Variants in DYM observed in about 807,000 individuals in gnomAD.
DYM encodes the protein dyggve-Melchior-Clausen syndrome protein.
Under a neutral mutation model 93.1 loss-of-function variants are expected in DYM, and 78 were observed. That is an observed-to-expected ratio of 0.84 (90% CI 0.70 to 1.01). DYM has a LOEUF of 1.01. Ranked by LOEUF, DYM falls within the 50% of genes least tolerant of loss-of-function variation. DYM has a pLI of 0.00. For missense variants in DYM, 789 were observed against 845.0 expected (o/e 0.93, Z 0.82); for synonymous variants, 321 against 319.7 (o/e 1.00, Z -0.04).
chr18:49,231,812 T>C (rs1419653996), intron 13 of DYM, among the ~76,000 whole-genome samples: 2 of 152,302 alleles, frequency 1.3e-5, no homozygotes, highest in East Asian at 3.9e-4. Flanking sequence ...AGAGGAATCT[T>C]AGTCAAAGAT....
At chr18:49,381,403 ACTTAAGAGTCTATTCAAGTAACTGC>A (rs1464351661) in intron 3 of DYM, among the ~76,000 whole-genome samples, 2 of 152,126 alleles carry the variant, frequency 1.3e-5, no homozygotes, top group African/African-American at 4.8e-5. Context: ...TTTTGTCATG[ACTTAAGAGTCTATTCAAGTAACTGC>A]CTAACTTTCT....
At chr18:49,407,714 A>G (rs1046796415) in intron 2 of DYM, among the ~76,000 whole-genome samples, 2 of 152,190 alleles carry the variant, frequency 1.3e-5, no homozygotes, top group African/African-American at 4.8e-5. Context: ...TGGAGGTCAC[A>G]TTTCAACATG....
At chr18:49,332,874 C>A (rs2063408531) in intron 7 of DYM, among the ~76,000 whole-genome samples, 1 of 152,112 alleles carries the variant, frequency 6.6e-6, no homozygotes, top group South Asian at 2.1e-4. Flanking sequence ...GCACACAGTC[C>A]CACGATGCCA....
At position 49,282,290 on chromosome 18, in the gene DYM, C is replaced by T. The variant is rs1043854316; in HGVS notation, c.947-115G>A. ...CCATTAATTTTATGGAAAGTCACTA[C>T]ATTTCAGATTCAAAATTTTAATTTA... On this transcript the variant is annotated intron_variant, in intron 9 of 17. Transcript: ENST00000675505. The T allele has an allele frequency of 4.7e-6, 5 of 1,065,594 alleles. No homozygotes were observed. In the East Asian group the frequency reaches 1.0e-4, roughly 22 times the overall value. 66.0% of individuals were successfully genotyped at this position (1,065,594 alleles called of 1,614,324 possible). A position where few individuals can be genotyped will look rare whatever the true frequency, so the allele number is the denominator to read the frequency against.
chr18:49,237,352 T>C (rs2093901226), intron 13 of DYM, among the ~76,000 whole-genome samples: 1 of 152,222 alleles, frequency 6.6e-6, no homozygotes, highest in African/African-American at 2.4e-5. Flanking sequence ...TTCAATGATA[T>C]TTTGAGGCCA....
intron 17 of DYM, among the ~76,000 whole-genome samples, chr18:49,078,142 T>C (rs2077467728): frequency 1.3e-5 from 2 of 152,210 alleles, no homozygotes; most frequent in South Asian, 4.1e-4. Context: ...GATGACAATA[T>C]ACACTCTTAA....
chr18:49,390,005 T>G (rs2069042923), intron 3 of DYM, among the ~76,000 whole-genome samples: 1 of 152,248 alleles, frequency 6.6e-6, no homozygotes. Context: ...CAGCACTGAA[T>G]TGCGACATGG....
intron 5 of DYM, among the ~76,000 whole-genome samples, chr18:49,368,936 A>G (rs1377622300): frequency 6.6e-5 from 10 of 152,338 alleles, no homozygotes; most frequent in Non-Finnish European, 2.9e-5. Flanking sequence ...GATCTCTCAC[A>G]AGTCAGCCAC....
chr18:49,172,481 G>A (rs2088877388), intron 14 of DYM, among the ~76,000 whole-genome samples: 1 of 152,168 alleles, frequency 6.6e-6, no homozygotes, highest in African/African-American at 2.4e-5. Context: ...TTTAGTGGGT[G>A]TGAAGTAATT....
intron 8 of DYM, among the ~76,000 whole-genome samples, chr18:49,296,523 A>G (rs1406534214): frequency 6.6e-6 from 1 of 152,232 alleles, no homozygotes; most frequent in Non-Finnish European, 1.5e-5. Flanking sequence ...AACTAACATG[A>G]AACAGAGACA....
intron 15 of DYM, among the ~76,000 whole-genome samples, chr18:49,140,591 A>G (rs1016858532): frequency 1.3e-5 from 2 of 152,228 alleles, no homozygotes; most frequent in Non-Finnish European, 2.9e-5. Flanking sequence ...TTTAGCAACT[A>G]TAAGGTTTAT....
intron 1 of DYM, among the ~76,000 whole-genome samples, 163 bp downstream of exon 1, chr18:49,460,235 G>A (rs1455994198): frequency 1.3e-5 from 2 of 152,142 alleles, no homozygotes; most frequent in African/African-American, 4.8e-5. Context: ...GCCCCTCCGG[G>A]TGGCCCAGGC....
chr18:49,410,161 G>A (rs760664950), intron 2 of DYM, among the ~76,000 whole-genome samples: 15 of 152,056 alleles, frequency 9.9e-5, no homozygotes, highest in Non-Finnish European at 2.1e-4. Context: ...GAACTCCTGG[G>A]CTCAAGCAAT....
At chr18:49,380,738 T>A (rs2067967787) in intron 3 of DYM, among the ~76,000 whole-genome samples, 1 of 152,232 alleles carries the variant, frequency 6.6e-6, no homozygotes. Context: ...GAACCTTCCA[T>A]TTGACTGATG....
At chr18:49,079,934 G>C (rs1314096405) in intron 17 of DYM, among the ~76,000 whole-genome samples, 4 of 150,980 alleles carry the variant, frequency 2.6e-5, no homozygotes, top group Non-Finnish European at 5.9e-5. Context: ...CCTCCCAGAC[G>C]GGGTGGTGGC....
intron 2 of DYM, among the ~76,000 whole-genome samples, chr18:49,412,198 C>T (rs145192000): frequency 3.2e-4 from 46 of 143,506 alleles, no homozygotes; most frequent in Non-Finnish European, 6.6e-4. Flanking sequence ...CTAGATAATA[C>T]GGTGTTTATT....
intron 13 of DYM, among the ~76,000 whole-genome samples, chr18:49,220,278 T>C (rs2093292961): frequency 6.7e-6 from 1 of 149,340 alleles, no homozygotes; most frequent in African/African-American, 2.4e-5. Flanking sequence ...TGGAAGAACA[T>C]TCCATGCTCA....
intron 1 of DYM, among the ~76,000 whole-genome samples, chr18:49,441,849 C>T (rs536919834): frequency 1.3e-5 from 2 of 152,074 alleles, no homozygotes; most frequent in South Asian, 4.2e-4. Context: ...GGTCTCTCTC[C>T]CCAGGAAAAG....
At chr18:49,067,401 G>T (rs1306072940) in intron 17 of DYM, among the ~76,000 whole-genome samples, 115 of 151,710 alleles carry the variant, frequency 7.6e-4, no homozygotes, top group African/African-American at 2.7e-3. Context: ...GGAGTAGGGT[G>T]ATGTGAGTGT....
Sources: allele counts gnomAD v4.1 joint callset (sites outside exome capture counted in the v4.1 genomes callset), GRCh38; gene constraint gnomAD v4.1.1; transcripts MANE v1.5; gene names NCBI Gene and HGNC (gene_info 2026-07-23, HGNC 2026-07-21).